CMSS1: variants seen among roughly 807,000 people sequenced by gnomAD.
CMSS1 encodes cms1 ribosomal small subunit homolog.
A neutral mutation model predicts 43.5 loss-of-function variants in CMSS1; 33 were observed. The ratio of observed to expected loss-of-function variants is 0.76; its 90% CI spans 0.57 to 1.01. CMSS1 has a LOEUF of 1.01. Among genes scored for constraint, CMSS1 ranks in the 50% least tolerant of loss-of-function variants. The pLI is 0.00. For synonymous variants in CMSS1, 115 were observed against 117.2 expected, an observed-to-expected ratio of 0.98 and a Z score of 0.12; for missense variants, 313 against 326.4, an observed-to-expected ratio of 0.96 and a Z score of 0.32.
Position 100,112,142 on chromosome 3 carries a change from G to T in CMSS1, c.65-34831G>T, listed in dbSNP as rs548544093. Among the ~76,000 whole-genome samples the T allele has an allele frequency of 8.5e-4, 129 of 152,280 alleles. 1 individual carries two copies. The highest frequency in any genetic ancestry group is 3.0e-3 in the African/African-American group (123 of 41,556). On this transcript the variant is annotated intron_variant, in intron 1 of 9. Coordinates refer to ENST00000421999, the MANE Select transcript of CMSS1 (RefSeq NM_032359.4). ...CCTAATATAACTAAACAAACTTACT[G>T]TGTATTGCTGGTAGGCACTAGTTCT... is the stretch of plus-strand genomic sequence containing the variant.
At chr3:100,129,750 T>C (rs1253574394) in intron 1 of CMSS1, among the ~76,000 whole-genome samples, 1 of 152,192 alleles carries the variant, frequency 6.6e-6, no homozygotes, top group East Asian at 1.9e-4. Context: ...ATACTCACAC[T>C]GTTACTTTTG....
At chr3:99,932,185 C>G (rs985382337) in intron 1 of CMSS1, among the ~76,000 whole-genome samples, 1 of 152,138 alleles carries the variant, frequency 6.6e-6, no homozygotes, top group Admixed American at 6.6e-5. Context: ...CTTCTCCTCC[C>G]TTCCCACTCC....
At chr3:100,057,652 A>G (rs1327863955) in intron 1 of CMSS1, among the ~76,000 whole-genome samples, 1 of 152,180 alleles carries the variant, frequency 6.6e-6, no homozygotes, top group Non-Finnish European at 1.5e-5. Context: ...CTTTGGGATC[A>G]GGCCCCATAT....
chr3:100,014,887 C>CTTTTTTTTTTTTT (rs1559725867), intron 1 of CMSS1, among the ~76,000 whole-genome samples: 15 of 32,464 alleles, frequency 4.6e-4, no homozygotes, highest in Non-Finnish European at 6.4e-4. Flanking sequence ...TTTTTTTTTT[C>CTTTTTTTTTTTTT]TTTCTTTCTT....
In CMSS1 at chr3:100,163,306, T is replaced by C. The variant is rs117835617; in HGVS notation, c.355+874T>C. Among the ~76,000 whole-genome samples, 453 of 152,284 alleles carry C rather than the reference T, an allele frequency of 3.0e-3. 10 individuals are homozygous for C. In the East Asian group the frequency reaches 0.056, roughly 19 times the overall value. ...ATAAGCAATTTAGTTTTGTTGTTGC[T>C]CTTATTATGGATTTCTAGTCATGGT... On this transcript the variant is annotated intron_variant, in intron 4 of 9. Transcript: ENST00000421999.
chr3:100,076,518 T>G (rs569169587), intron 1 of CMSS1, among the ~76,000 whole-genome samples: 10 of 152,360 alleles, frequency 6.6e-5, no homozygotes, highest in African/African-American at 1.7e-4. Flanking sequence ...ATCTAATCTG[T>G]GGGTTACAGT....
intron 1 of CMSS1, among the ~76,000 whole-genome samples, chr3:100,051,885 TTA>T (rs969224154): frequency 1.3e-4 from 19 of 148,544 alleles, no homozygotes; most frequent in South Asian, 8.3e-4. Flanking sequence ...GTAATATATT[TTA>T]TATGTCATAT....
intron 1 of CMSS1, among the ~76,000 whole-genome samples, chr3:99,907,762 CTA>C (rs1194145416): frequency 2.6e-5 from 4 of 152,060 alleles, no homozygotes; most frequent in Non-Finnish European, 4.4e-5. Context: ...CTTGTCTGAA[CTA>C]TGTCTGTCTT....
intron 1 of CMSS1, among the ~76,000 whole-genome samples, chr3:100,021,578 A>G (rs2064818001): frequency 6.6e-6 from 1 of 152,176 alleles, no homozygotes; most frequent in Admixed American, 6.5e-5. Flanking sequence ...ATTTGAAGCA[A>G]AGTCTGTACT....
At chr3:100,057,624 G>A (rs2065487665) in intron 1 of CMSS1, among the ~76,000 whole-genome samples, 1 of 152,202 alleles carries the variant, frequency 6.6e-6, no homozygotes, top group African/African-American at 2.4e-5. Context: ...AGTTAGTTCA[G>A]TTGGTTGAAA....
intron 1 of CMSS1, among the ~76,000 whole-genome samples, chr3:100,035,268 T>G (rs563673737): frequency 3.1e-4 from 47 of 152,236 alleles, no homozygotes; most frequent in African/African-American, 1.1e-3. Flanking sequence ...CCTCCTTAAA[T>G]TATTAGTATT....
At chr3:100,018,892 C>A (rs963065846) in intron 1 of CMSS1, among the ~76,000 whole-genome samples, 1 of 152,004 alleles carries the variant, frequency 6.6e-6, no homozygotes, top group Non-Finnish European at 1.5e-5. Context: ...GTCAAAGGCC[C>A]TGAATAGACA....
chr3:99,995,496 G>A (rs536589828), intron 1 of CMSS1, among the ~76,000 whole-genome samples: 5 of 152,250 alleles, frequency 3.3e-5, no homozygotes, highest in African/African-American at 1.2e-4. Context: ...TCCATTCTGG[G>A]GTCTGGAGGA....
At chr3:99,830,624 A>G (rs774900029) in intron 1 of CMSS1, 23 of 456,338 alleles carry the variant, frequency 5.0e-5, no homozygotes, top group Non-Finnish European at 9.7e-5. Flanking sequence ...AAACAAGAGA[A>G]CAAAAGGTAA....
chr3:99,889,740 A>G (rs1199190129), intron 1 of CMSS1, among the ~76,000 whole-genome samples: 1 of 152,156 alleles, frequency 6.6e-6, no homozygotes, highest in East Asian at 1.9e-4. Flanking sequence ...TAATGACCCT[A>G]TAAATTCCAT....
At chr3:99,853,062 T>C (rs1283129253) in intron 1 of CMSS1, among the ~76,000 whole-genome samples, 1 of 152,208 alleles carries the variant, frequency 6.6e-6, no homozygotes, top group African/African-American at 2.4e-5. Context: ...CCATGGTTTC[T>C]GGCCATGCCC....
intron 1 of CMSS1, among the ~76,000 whole-genome samples, chr3:100,135,747 A>G (rs2066748232): frequency 6.6e-6 from 1 of 152,058 alleles, no homozygotes; most frequent in African/African-American, 2.4e-5. Flanking sequence ...GCAGCTAGTG[A>G]CAGAAATTTT....
intron 1 of CMSS1, among the ~76,000 whole-genome samples, chr3:100,109,192 C>A (rs1196513864): frequency 1.3e-5 from 2 of 151,384 alleles, no homozygotes; most frequent in Non-Finnish European, 2.9e-5. Flanking sequence ...TTTAAGGGTT[C>A]TTTTTCTTTT....
Position 99,937,375 on chromosome 3 carries a change from ATTGT to A in CMSS1, c.64+119335_64+119338del, listed in dbSNP as rs1296481465. 3.9e-5 allele frequency among the ~76,000 whole-genome samples: 6 copies of A among 152,328 alleles called. No individual in the cohort carries two copies. The East Asian group carries it at 1.2e-3, about 29-fold the overall frequency. On this transcript the variant is annotated intron_variant, in intron 1 of 9. Coordinates refer to ENST00000421999, the MANE Select transcript of CMSS1 (RefSeq NM_032359.4). ...CAATAAAGATGTTCTGTTTTCATAT[ATTGT>A]TTATGTGCAAAAACTATGTATTTTT...
Sources: allele counts gnomAD v4.1 joint callset (sites outside exome capture counted in the v4.1 genomes callset), GRCh38; gene constraint gnomAD v4.1.1; transcripts MANE v1.5; gene names NCBI Gene and HGNC (gene_info 2026-07-23, HGNC 2026-07-21).